SUCLA2: variants seen among roughly 807,000 people sequenced by gnomAD.
SUCLA2 encodes the protein succinate-CoA ligase ADP-forming subunit beta, also known as succinate--CoA ligase [ADP-forming] subunit beta, mitochondrial.
SUCLA2 carries 30 observed loss-of-function variants against 54.8 expected under a neutral mutation model. That is an observed-to-expected ratio of 0.55 (90% confidence interval 0.41 to 0.74). The LOEUF (loss-of-function observed/expected upper bound fraction) is 0.74. Among genes scored for constraint, SUCLA2 ranks in the 30% least tolerant of loss-of-function variants. The pLI, the probability that SUCLA2 is intolerant of heterozygous loss-of-function variation, is 0.00. For synonymous variants in SUCLA2, 172 were observed against 188.9 expected (o/e 0.91, Z 0.74); for missense variants, 476 against 562.9 (o/e 0.85, Z 1.56).
chr13:47,954,659 A>AT, intron 6 of SUCLA2, 102 bp from the exon 7 acceptor site: 1 of 1,207,296 alleles, frequency 8.3e-7, no homozygotes, highest in Non-Finnish European at 1.2e-6. Flanking sequence ...ACACATTTTA[A>AT]TTTTGTTACT....
At chr13:47,965,838 G>A (rs1949913894) in intron 6 of SUCLA2, among the ~76,000 whole-genome samples, 1 of 152,180 alleles carries the variant, frequency 6.6e-6, no homozygotes, top group Non-Finnish European at 1.5e-5. Context: ...CACGAAGTCA[G>A]GAGATCAAGA....
chr13:47,983,408 A>T (rs1950074308), intron 4 of SUCLA2, among the ~76,000 whole-genome samples: 1 of 152,146 alleles, frequency 6.6e-6, no homozygotes, highest in Non-Finnish European at 1.5e-5. Flanking sequence ...ATAACCATAA[A>T]ATATAATTTT....
At chr13:47,989,074 T>G (rs903674251) in intron 2 of SUCLA2, 93 bp from the exon 3 acceptor site, 1 of 1,229,422 alleles carries the variant, frequency 8.1e-7, no homozygotes, top group African/African-American at 1.5e-5. Flanking sequence ...ACAGGTGTTA[T>G]TAAATCAAGT....
At chr13:47,946,097 T>C (rs1469211192) in intron 10 of SUCLA2, among the ~76,000 whole-genome samples, 1 of 152,234 alleles carries the variant, frequency 6.6e-6, no homozygotes, top group African/African-American at 2.4e-5. Context: ...TATCATCTCA[T>C]TATCACCACA....
In SUCLA2 at chr13:47,954,422, C is replaced by G; in HGVS notation, c.938G>C (p.Gly313Ala). ...DAAKANLNYIGLDGNIGCLVN... is the reference protein window; with the variant it reads ...DAAKANLNYIALDGNIGCLVN... ...TAGGCAGCCTATATTTCCATCGAGG[C>G]CAATGTAGTTGAGATTTGCCTTAGC... Residue 313 changes from glycine (G) to alanine (A), a missense_variant, in exon 7 of 11, where the codon GGC becomes GCC. Gly to Ala is a moderately conservative substitution (Grantham distance 60). Transcript: ENST00000646932. 2 of 1,613,976 alleles carry G rather than the reference C, an allele frequency of 1.2e-6. No homozygotes were observed. The highest frequency in any genetic ancestry group is 1.7e-6 in the Non-Finnish European group (2 of 1,179,910).
intron 6 of SUCLA2, among the ~76,000 whole-genome samples, chr13:47,959,123 T>C (rs930467782): frequency 1.3e-5 from 2 of 152,126 alleles, no homozygotes; most frequent in African/African-American, 4.8e-5. Flanking sequence ...AAGGATAAGA[T>C]ATAATTCTGT....
chr13:47,986,917 G>A (rs1486983904), intron 4 of SUCLA2, among the ~76,000 whole-genome samples: 2 of 152,116 alleles, frequency 1.3e-5, no homozygotes, highest in Non-Finnish European at 2.9e-5. Context: ...AATTTTTGTT[G>A]TTCAACAGAG....
chr13:47,996,323 CA>C lies in SUCLA2; in HGVS notation c.271+519del, dbSNP rs750012963. 8.4e-3 allele frequency among the ~76,000 whole-genome samples: 785 copies of C among 93,526 alleles called. 4 individuals carry two copies. Among genetic ancestry groups the C allele is most frequent in the African/African-American group, 0.026 (613 of 23,846 alleles). 61.4% of individuals were successfully genotyped at this position (93,526 alleles called of 152,430 possible). A position where few individuals can be genotyped will look rare whatever the true frequency, so the allele number is the denominator to read the frequency against. On this transcript the variant is annotated intron_variant, in intron 2 of 10. Coordinates refer to ENST00000646932, the MANE Select transcript of SUCLA2 (RefSeq NM_003850.3). ...GGGCAATAAGAATGAAACTCCGTCT[CA>C]AAAAAAAAAAAAAAAGAAAAGAAAA... is the stretch of plus-strand genomic sequence containing the variant.
At chr13:47,986,034 T>TTG (rs759902234) in intron 4 of SUCLA2, among the ~76,000 whole-genome samples, 1 of 130,984 alleles carries the variant, frequency 7.6e-6, no homozygotes, top group Non-Finnish European at 1.7e-5. Context: ...GTATAGTTTT[T>TTG]TTTTTTTTTT....
chr13:47,970,728 C>T (rs573844362), intron 5 of SUCLA2, among the ~76,000 whole-genome samples: 4 of 152,014 alleles, frequency 2.6e-5, no homozygotes, highest in South Asian at 2.1e-4. Flanking sequence ...GTCATGGTGG[C>T]GGGCGCCTGT....
intron 4 of SUCLA2, 100 bp downstream of exon 4, chr13:47,988,441 T>C: frequency 7.4e-7 from 1 of 1,358,970 alleles, no homozygotes; most frequent in Non-Finnish European, 1.0e-6. Flanking sequence ...TTATAATTTG[T>C]ACTTTTAAAA....
At chr13:47,958,463 C>T (rs1457174792) in intron 6 of SUCLA2, among the ~76,000 whole-genome samples, 3 of 152,102 alleles carry the variant, frequency 2.0e-5, no homozygotes, top group African/African-American at 7.2e-5. Flanking sequence ...AAATTAAGTC[C>T]AAGCAATTTT....
chr13:47,972,100 CA>C, intron 5 of SUCLA2: 1 of 362,250 alleles, frequency 2.8e-6, no homozygotes, highest in Non-Finnish European at 4.9e-6. Flanking sequence ...AAACAAAATA[CA>C]AAAATTAGCC....
chr13:47,978,049 C>G (rs893878810), intron 4 of SUCLA2, among the ~76,000 whole-genome samples: 1 of 152,160 alleles, frequency 6.6e-6, no homozygotes. Context: ...ATTCCATGCT[C>G]ATAGATAGGA....
At chr13:47,948,296 CTT>C (rs1317064747) in intron 10 of SUCLA2, among the ~76,000 whole-genome samples, 4 of 152,114 alleles carry the variant, frequency 2.6e-5, no homozygotes, top group Admixed American at 6.5e-5. Flanking sequence ...ACCAAACTCT[CTT>C]TTGTTTTTTC....
intron 10 of SUCLA2, among the ~76,000 whole-genome samples, chr13:47,947,338 AAAAC>A (rs1320753271): frequency 6.6e-6 from 1 of 152,150 alleles, no homozygotes; most frequent in East Asian, 1.9e-4. Flanking sequence ...AAAAAAACAA[AAAAC>A]AAAAAAAACC....
chr13:47,949,401 CTA>C (rs1949759256), intron 9 of SUCLA2, 80 bp downstream of exon 9: 1 of 1,503,942 alleles, frequency 6.6e-7, no homozygotes, highest in South Asian at 1.1e-5. Context: ...TATTTAAAAA[CTA>C]TGTTTTAACA....
intron 1 of SUCLA2, among the ~76,000 whole-genome samples, chr13:47,998,130 A>G (rs1342953586): frequency 1.3e-5 from 2 of 152,122 alleles, no homozygotes; most frequent in African/African-American, 4.8e-5. Flanking sequence ...CCAGCAACCA[A>G]GCTGGGCACA....
At chr13:47,994,782 A>C in intron 2 of SUCLA2, 1 of 979,728 alleles carries the variant, frequency 1.0e-6, no homozygotes, top group Non-Finnish European at 1.2e-6. Context: ...CAAGGGGCTC[A>C]AAATCAGAGC....
Sources: gnomAD v4.1 joint callset for allele counts (sites outside exome capture counted in the v4.1 genomes callset) on GRCh38, gnomAD v4.1.1 for gene constraint, MANE v1.5 for transcripts, NCBI Gene and HGNC (gene_info 2026-07-23, HGNC 2026-07-21) for gene names.